Variants in POF1B observed in about 807,000 individuals in gnomAD.
The protein encoded by POF1B is POF1B actin binding protein.
In POF1B, 53 loss-of-function variants were observed where a neutral mutation model predicts 55.3. That is an observed-to-expected ratio of 0.96 (90% CI 0.77 to 1.20). POF1B has a LOEUF of 1.20. Among genes scored for constraint, POF1B ranks in the 50% most tolerant of loss-of-function variants. POF1B has a pLI of 0.00. For synonymous variants in POF1B, 188 were observed against 148.3 expected (o/e 1.27, Z -1.95); for missense variants, 478 against 420.5 (o/e 1.14, Z -1.20).
At chrX:85,288,162 G>A (rs1230314068) in intron 15 of POF1B, among the ~76,000 whole-genome samples, 2 of 111,367 alleles carry the variant, frequency 1.8e-5, no homozygotes, top group Non-Finnish European at 3.8e-5. Flanking sequence ...AAATATTCAA[G>A]AAAAACTACT....
chrX:85,334,726 C>G (rs547262048), intron 6 of POF1B, among the ~76,000 whole-genome samples: 1 of 111,342 alleles, frequency 9.0e-6, no homozygotes, highest in South Asian at 3.7e-4. Flanking sequence ...AAATTACAGA[C>G]CTCACCTCAC....
At chrX:85,282,401 C>T (rs1931924574) in intron 15 of POF1B, 84 bp from the exon 16 acceptor site, 4 of 587,103 alleles carry the variant, frequency 6.8e-6, no homozygotes, top group Admixed American at 4.8e-5. Context: ...TTTGATTGCC[C>T]TAATTAAGCC....
At position 85,361,955 on chromosome X, in the gene POF1B, CGTGTGTGTGTGTGT is replaced by C. The variant is rs3049233; in HGVS notation, c.358-2339_358-2326del. Among the ~76,000 whole-genome samples the C allele has an allele frequency of 6.4e-5, 6 of 94,275 alleles. No individual in the cohort carries two copies. The East Asian group carries it at 1.0e-3, about 16-fold the overall frequency. The allele number at this position is 94,275 out of a possible 115,157, so 81.9% of individuals were successfully genotyped here. On this transcript the variant is annotated intron_variant, in intron 3 of 16. Coordinates refer to ENST00000262753, the MANE Select transcript of POF1B (RefSeq NM_024921.4). ...TAGTTAGCTGTATCCCTAGGTATTT[CGTGTGTGTGTGTGT>C]GTGTGTGTGTGTGTGTGTGTATGTG...
intron 15 of POF1B, among the ~76,000 whole-genome samples, chrX:85,283,672 A>G (rs1931963988): frequency 1.8e-5 from 2 of 110,479 alleles, no homozygotes; most frequent in Non-Finnish European, 3.8e-5. Context: ...GCATGATGTA[A>G]AGCTATAAAC....
chrX:85,360,557 A>G, intron 3 of POF1B, among the ~76,000 whole-genome samples: 1 of 83,650 alleles, frequency 1.2e-5, no homozygotes, highest in South Asian at 5.0e-4. Flanking sequence ...ATATATATAT[A>G]TACATATATA....
chrX:85,370,758 T>C (rs1283935409), intron 2 of POF1B, among the ~76,000 whole-genome samples: 1 of 111,411 alleles, frequency 9.0e-6, no homozygotes, highest in African/African-American at 3.3e-5. Context: ...TAAATAGCCA[T>C]TGACCATTCC....
chrX:85,299,367 C>A (rs1279883001), intron 15 of POF1B, among the ~76,000 whole-genome samples: 1 of 104,567 alleles, frequency 9.6e-6, no homozygotes, highest in African/African-American at 3.5e-5. Context: ...CGGCTCACTG[C>A]AAGCTCCGCC....
chrX:85,359,146 A>T (rs1290617623), intron 4 of POF1B, among the ~76,000 whole-genome samples: 1 of 111,385 alleles, frequency 9.0e-6, no homozygotes, highest in African/African-American at 3.3e-5. Context: ...CCTAGTCCAT[A>T]TCTCCATGGC....
At chrX:85,288,731 C>T (rs925214459) in intron 15 of POF1B, among the ~76,000 whole-genome samples, 3 of 110,669 alleles carry the variant, frequency 2.7e-5, no homozygotes, top group Admixed American at 1.9e-4. Context: ...CAGGGGTTTC[C>T]GTTTTTGCAT....
At chrX:85,338,838 A>G (rs757719356) in intron 6 of POF1B, among the ~76,000 whole-genome samples, 2 of 111,669 alleles carry the variant, frequency 1.8e-5, no homozygotes, top group South Asian at 3.7e-4. Flanking sequence ...TGGATATATC[A>G]TTGATAGATG....
At chrX:85,344,570 A>C (rs1475740090) in intron 6 of POF1B, among the ~76,000 whole-genome samples, 1 of 111,465 alleles carries the variant, frequency 9.0e-6, no homozygotes, top group African/African-American at 3.3e-5. Flanking sequence ...TGAACTGTAT[A>C]AAATTGTTGC....
intron 7 of POF1B, among the ~76,000 whole-genome samples, chrX:85,317,085 A>G (rs182364824): frequency 9.1e-6 from 1 of 110,311 alleles, no homozygotes; most frequent in African/African-American, 3.3e-5. Context: ...ATACTATTCC[A>G]TGGTGTAGAT....
At chrX:85,375,976 G>A (rs7877198) in intron 2 of POF1B, among the ~76,000 whole-genome samples, 5,534 of 110,992 alleles carry the variant, frequency 0.05, 298 homozygotes, top group African/African-American at 0.16. Context: ...CCTTTAAAAT[G>A]AAATATAGAT....
intron 6 of POF1B, among the ~76,000 whole-genome samples, chrX:85,336,120 T>A (rs946285088): frequency 5.4e-5 from 6 of 111,121 alleles, no homozygotes; most frequent in Admixed American, 9.6e-5. Flanking sequence ...TGTTTTTCTG[T>A]GCCTGGCTTA....
At chrX:85,321,999 G>A (rs1195237053) in intron 7 of POF1B, among the ~76,000 whole-genome samples, 4 of 110,314 alleles carry the variant, frequency 3.6e-5, no homozygotes, top group African/African-American at 6.6e-5. Flanking sequence ...AATCAATATC[G>A]TGAAAATGGC....
chrX:85,315,740 A>G lies in POF1B; in HGVS notation c.855-6T>C, dbSNP rs2036050801. 1 of 1,173,440 alleles carries G rather than the reference A, an allele frequency of 8.5e-7. No individual in the cohort carries two copies. The highest frequency in any genetic ancestry group is 1.1e-6 in the Non-Finnish European group (1 of 878,308). On this transcript the variant is annotated splice_region_variant and splice_polypyrimidine_tract_variant and intron_variant, in intron 7 of 16. Coordinates refer to ENST00000262753, the MANE Select transcript of POF1B (RefSeq NM_024921.4). ...TAGACTCAAAGTCCTGTTTGCTGCA[A>G]GAACAAAAAAAAAGATACACAACTT...
intron 15 of POF1B, among the ~76,000 whole-genome samples, chrX:85,290,074 C>T (rs973255663): frequency 9.0e-6 from 1 of 111,331 alleles, no homozygotes; most frequent in Non-Finnish European, 1.9e-5. Flanking sequence ...AAGTAGTGAA[C>T]ATGGTACCCA....
At chrX:85,377,568 G>A in intron 2 of POF1B, among the ~76,000 whole-genome samples, 1 of 111,475 alleles carries the variant, frequency 9.0e-6, no homozygotes, top group East Asian at 2.8e-4. Context: ...ACTTCACAGA[G>A]CCCTCCATTC....
In POF1B at chrX:85,278,443, G is replaced by A. The variant is rs1931824808; in HGVS notation, c.*978C>T. The A allele has an allele frequency of 9.0e-6, 1 of 110,885 alleles. No individual in the cohort carries two copies. The highest frequency in any genetic ancestry group is 1.9e-5 in the Non-Finnish European group (1 of 52,434). 9.1% of individuals were successfully genotyped at this position (110,885 alleles called of 1,213,427 possible). ...CATCTTGCATTGAAAAAATACTTGT[G>A]TTCAGTTATGTTCACTTTGTAAGGT... On this transcript the variant is annotated 3_prime_UTR_variant, in exon 17 of 17. Coordinates refer to ENST00000262753, the MANE Select transcript of POF1B (RefSeq NM_024921.4).
Sources: allele counts gnomAD v4.1 joint callset (sites outside exome capture counted in the v4.1 genomes callset), GRCh38; gene constraint gnomAD v4.1.1; transcripts MANE v1.5; gene names NCBI Gene and HGNC (gene_info 2026-07-23, HGNC 2026-07-21).